SMURF1: variants seen among roughly 807,000 people sequenced by gnomAD.
SMURF1 encodes SMAD specific E3 ubiquitin protein ligase 1.
In SMURF1, 44 loss-of-function variants were observed where a neutral mutation model predicts 98.0. The observed-to-expected ratio is 0.45, with a 90% confidence interval of 0.35 to 0.58. The LOEUF (loss-of-function observed/expected upper bound fraction) is 0.58. Among genes scored for constraint, SMURF1 ranks in the 20% least tolerant of loss-of-function variants. The pLI is 0.00. For synonymous variants in SMURF1, 396 were observed against 374.9 expected (o/e 1.06, Z -0.65); for missense variants, 687 against 938.4 (o/e 0.73, Z 3.50).
chr7:99,092,367 T>C (rs985259055), intron 1 of SMURF1, among the ~76,000 whole-genome samples: 4 of 152,196 alleles, frequency 2.6e-5, no homozygotes, highest in Non-Finnish European at 5.9e-5. Flanking sequence ...GGATTCTGTA[T>C]TTGTGAATTC....
At chr7:99,142,092 C>G (rs1239002472) in intron 1 of SMURF1, among the ~76,000 whole-genome samples, 1 of 152,236 alleles carries the variant, frequency 6.6e-6, no homozygotes, top group East Asian at 1.9e-4. Context: ...GCAGCCTGGT[C>G]CAGAACCTCT....
intron 1 of SMURF1, among the ~76,000 whole-genome samples, chr7:99,127,548 T>A (rs1026087479): frequency 1.3e-5 from 2 of 151,478 alleles, no homozygotes; most frequent in African/African-American, 4.9e-5. Context: ...AAAATAAAAT[T>A]AAAAAAAAGA....
intron 12 of SMURF1, among the ~76,000 whole-genome samples, chr7:99,041,568 C>G (rs757828856): frequency 5.3e-5 from 8 of 152,250 alleles, no homozygotes; most frequent in Non-Finnish European, 1.2e-4. Flanking sequence ...CAAGCGGAGC[C>G]TGTCCCGACT....
chr7:99,122,772 A>AATG (rs1797668563), intron 1 of SMURF1, among the ~76,000 whole-genome samples: 1 of 131,718 alleles, frequency 7.6e-6, no homozygotes, highest in Non-Finnish European at 1.6e-5. Flanking sequence ...TTTTTTTTAC[A>AATG]TAATTAAAAT....
intron 1 of SMURF1, among the ~76,000 whole-genome samples, chr7:99,084,671 C>G (rs1796641308): frequency 6.6e-6 from 1 of 152,112 alleles, no homozygotes; most frequent in Non-Finnish European, 1.5e-5. Context: ...GTGTGAGCCA[C>G]CGCACCCAGC....
In SMURF1 at chr7:99,047,776, G is replaced by T; in HGVS notation, c.1060C>A (p.Gln354Lys). The part of the protein sequence containing the change: ...PAQRYERDLV[Q>K]KLKVLRHELS... Reference sequence around the variant, plus strand: ...TCGTGTCTGAGGACTTTCAGCTTCTGGACTAGATCTCTTTCGTATCTCTGG... The same window carrying T: ...TCGTGTCTGAGGACTTTCAGCTTCTTGACTAGATCTCTTTCGTATCTCTGG... Residue 354 changes from glutamine (Q) to lysine (K), a missense_variant, in exon 10 of 18, where the codon CAG (glutamine) becomes AAG (lysine). Physicochemically the swap from Gln to Lys is moderately conservative, Grantham distance 53. Around this residue, in one of 2 missense-constraint regions of SMURF1, gnomAD observed 415 missense variants for 508.4 expected, o/e 0.82. Coordinates refer to ENST00000361368, the MANE Select transcript of SMURF1 (RefSeq NM_181349.3). 6.2e-7 allele frequency: 1 copy of T among 1,614,222 alleles called. No homozygotes were observed. Among genetic ancestry groups the T allele is most frequent in the Non-Finnish European group, 8.5e-7 (1 of 1,180,048 alleles).
At chr7:99,053,600 T>C (rs1191628688) in intron 6 of SMURF1, among the ~76,000 whole-genome samples, 1 of 152,200 alleles carries the variant, frequency 6.6e-6, no homozygotes, top group East Asian at 1.9e-4. Context: ...TGCAGTCTAT[T>C]TGTTGAAGAC....
chr7:99,082,930 T>G (rs192973120), intron 1 of SMURF1, among the ~76,000 whole-genome samples: 46 of 152,324 alleles, frequency 3.0e-4, no homozygotes, highest in African/African-American at 9.9e-4. Flanking sequence ...GTTTTTAGTG[T>G]ACAGGTCTTA....
At chr7:99,113,546 AAGAACATTAGACGGCTGGGAGC>A (rs1256501158) in intron 1 of SMURF1, among the ~76,000 whole-genome samples, 2 of 152,186 alleles carry the variant, frequency 1.3e-5, no homozygotes, top group East Asian at 3.8e-4. Flanking sequence ...GCTGAAACAA[AAGAACATTAGACGGCTGGGAGC>A]GGTGGCTCAC....
chr7:99,045,815 T>G lies in SMURF1; in HGVS notation c.1153-14A>C. 6.3e-7 allele frequency: 1 copy of G among 1,580,256 alleles called. No homozygotes were observed. Among genetic ancestry groups the G allele is most frequent in the Non-Finnish European group, 8.7e-7 (1 of 1,148,980 alleles). On this transcript the variant is annotated splice_polypyrimidine_tract_variant and intron_variant, in intron 10 of 17. Coordinates refer to ENST00000361368, the MANE Select transcript of SMURF1 (RefSeq NM_181349.3). ...GCGGTAAGACTCCTGAAGAGCAACA[T>G]CACAGTTTCAGAGAGAAGAACATTC...
At chr7:99,052,114 G>A (rs1159907573) in intron 7 of SMURF1, 91 bp downstream of exon 7, 7 of 1,449,666 alleles carry the variant, frequency 4.8e-6, no homozygotes, top group Admixed American at 2.4e-5. Flanking sequence ...CAGCATGGGT[G>A]ACAGCAAGAC....
intron 1 of SMURF1, among the ~76,000 whole-genome samples, chr7:99,079,130 A>C (rs1308855740): frequency 6.6e-6 from 1 of 152,244 alleles, no homozygotes; most frequent in Non-Finnish European, 1.5e-5. Flanking sequence ...GAAGCCGGGA[A>C]GCTGAGGCCC....
chr7:99,032,981 C>T (rs1050254739), intron 17 of SMURF1, 56 bp downstream of exon 17: 74 of 1,518,358 alleles, frequency 4.9e-5, no homozygotes, highest in Non-Finnish European at 6.2e-5. Context: ...AAAACGTGAA[C>T]GTCAGCATCC....
intron 1 of SMURF1, among the ~76,000 whole-genome samples, chr7:99,091,865 A>C (rs1796821557): frequency 1.3e-5 from 2 of 152,134 alleles, no homozygotes; most frequent in Admixed American, 1.3e-4. Flanking sequence ...TTACTTTTGC[A>C]CCAGCCTAAT....
At chr7:99,087,327 A>C (rs964769436) in intron 1 of SMURF1, among the ~76,000 whole-genome samples, 2 of 152,094 alleles carry the variant, frequency 1.3e-5, no homozygotes, top group Non-Finnish European at 2.9e-5. Context: ...CAAAGCTTCA[A>C]TAAGCTATGA....
intron 13 of SMURF1, among the ~76,000 whole-genome samples, chr7:99,039,322 C>T (rs1339408426): frequency 6.6e-6 from 1 of 151,884 alleles, no homozygotes; most frequent in African/African-American, 2.4e-5. Flanking sequence ...CGTTCTTGAG[C>T]CTAGGCAGAG....
At chr7:99,109,142 G>A (rs1440537914) in intron 1 of SMURF1, among the ~76,000 whole-genome samples, 1 of 152,118 alleles carries the variant, frequency 6.6e-6, no homozygotes, top group Non-Finnish European at 1.5e-5. Context: ...GAGAGAGGAT[G>A]GAAGATGACA....
At chr7:99,122,303 G>C (rs144597574) in intron 1 of SMURF1, among the ~76,000 whole-genome samples, 2,203 of 149,004 alleles carry the variant, frequency 0.015, 46 homozygotes, top group African/African-American at 0.049. Context: ...ACTCCAGCCT[G>C]GGCAATAGAG....
At chr7:99,113,568 C>T (rs753945305) in intron 1 of SMURF1, among the ~76,000 whole-genome samples, 9 of 151,928 alleles carry the variant, frequency 5.9e-5, no homozygotes, top group South Asian at 4.2e-4. Flanking sequence ...CGGCTGGGAG[C>T]GGTGGCTCAC....
Sources: gnomAD v4.1 joint callset for allele counts (sites outside exome capture counted in the v4.1 genomes callset) on GRCh38, gnomAD v4.1.1 for gene constraint, gnomAD v4.1.1 regional missense constraint, MANE v1.5 for transcripts, NCBI Gene and HGNC (gene_info 2026-07-23, HGNC 2026-07-21) for gene names.